MAPK10: variants seen among roughly 807,000 people sequenced by gnomAD.
MAPK10 encodes JNK3 alpha protein kinase.
A neutral mutation model predicts 59.3 loss-of-function variants in MAPK10; 25 were observed. That is an observed-to-expected ratio of 0.42 (90% confidence interval 0.31 to 0.59). The LOEUF is 0.59. Ranked by LOEUF, MAPK10 falls within the 20% of genes least tolerant of loss-of-function variation. MAPK10 has a pLI of 0.15. For missense variants in MAPK10, 351 were observed against 568.9 expected, an observed-to-expected ratio of 0.62 and a Z score of 3.90; for synonymous variants, 190 against 200.5, an observed-to-expected ratio of 0.95 and a Z score of 0.44.
At chr4:86,240,666 C>CT (rs201751835) in intron 2 of MAPK10, among the ~76,000 whole-genome samples, 1,763 of 148,938 alleles carry the variant, frequency 0.012, 42 homozygotes, top group African/African-American at 0.042. Flanking sequence ...CAACCCGTGC[C>CT]TTTTTATTTT....
intron 1 of MAPK10, among the ~76,000 whole-genome samples, chr4:86,506,936 A>G (rs1269294303): frequency 6.6e-6 from 1 of 152,170 alleles, no homozygotes; most frequent in Non-Finnish European, 1.5e-5. Flanking sequence ...CCACACTAAT[A>G]CAATATACAT....
intron 1 of MAPK10, among the ~76,000 whole-genome samples, chr4:86,486,717 G>C (rs1005889771): frequency 2.0e-5 from 3 of 152,204 alleles, no homozygotes; most frequent in Admixed American, 2.0e-4. Context: ...AGGGGGAAAA[G>C]TTAGATGAGG....
At chr4:86,162,986 C>A (rs2070341586) in intron 3 of MAPK10, among the ~76,000 whole-genome samples, 1 of 152,076 alleles carries the variant, frequency 6.6e-6, no homozygotes, top group Non-Finnish European at 1.5e-5. Context: ...ATCATCATTA[C>A]AAGGTTTGTG....
chr4:86,218,852 G>A (rs1334032144), intron 2 of MAPK10, among the ~76,000 whole-genome samples: 3 of 152,130 alleles, frequency 2.0e-5, no homozygotes, highest in African/African-American at 4.8e-5. Flanking sequence ...CTGATTTGTA[G>A]GGAAGAGGGC....
chr4:86,443,207 A>G (rs1348330080), intron 1 of MAPK10, among the ~76,000 whole-genome samples: 1 of 152,028 alleles, frequency 6.6e-6, no homozygotes, highest in Non-Finnish European at 1.5e-5. Context: ...TACCTCCAGG[A>G]GCTCTATCAG....
intron 2 of MAPK10, chr4:86,326,069 G>T (rs2096014932): frequency 6.6e-6 from 1 of 152,180 alleles, no homozygotes; most frequent in Non-Finnish European, 1.5e-5. Context: ...CAATATTTTT[G>T]TTGGGTGTGG....
chr4:86,188,300 T>C (rs1268622748), intron 3 of MAPK10, among the ~76,000 whole-genome samples: 2 of 152,214 alleles, frequency 1.3e-5, no homozygotes, highest in Middle Eastern at 3.2e-3. Flanking sequence ...TTTCTGGTTC[T>C]AGATCCTTGA....
At chr4:86,558,912 C>A (rs984707652) in intron 1 of MAPK10, among the ~76,000 whole-genome samples, 1 of 151,668 alleles carries the variant, frequency 6.6e-6, no homozygotes. Context: ...TCCACGGAAG[C>A]CATTCACCTA....
intron 2 of MAPK10, among the ~76,000 whole-genome samples, chr4:86,345,613 T>C (rs1727671594): frequency 6.6e-6 from 1 of 152,194 alleles, no homozygotes; most frequent in South Asian, 2.1e-4. Context: ...ATGACATAGC[T>C]GGGATAAAAA....
chr4:86,032,905 T>G (rs371660850), intron 11 of MAPK10, among the ~76,000 whole-genome samples: 11 of 152,146 alleles, frequency 7.2e-5, no homozygotes, highest in African/African-American at 2.7e-4. Context: ...GCTGTAAACC[T>G]CACCTACTGC....
At chr4:86,112,824 C>T (rs1265909019) in intron 4 of MAPK10, among the ~76,000 whole-genome samples, 1 of 152,018 alleles carries the variant, frequency 6.6e-6, no homozygotes, top group Non-Finnish European at 1.5e-5. Flanking sequence ...GTTAAAGTTT[C>T]CACTATTACT....
At chr4:86,589,411 T>C (rs1031827707) in intron 1 of MAPK10, among the ~76,000 whole-genome samples, 1 of 152,084 alleles carries the variant, frequency 6.6e-6, no homozygotes, top group Non-Finnish European at 1.5e-5. Flanking sequence ...GCGGGCACAA[T>C]GGTCCAACGC....
At chr4:86,487,939 G>A (rs567308193) in intron 1 of MAPK10, among the ~76,000 whole-genome samples, 2 of 152,248 alleles carry the variant, frequency 1.3e-5, no homozygotes, top group African/African-American at 4.8e-5. Context: ...TAGTCTGAGA[G>A]AGAGAGATTA....
rs1479227555 is a variant in MAPK10 at position 86,012,171 on chromosome 4, T to G, written c.*5057A>C. ...AAAAGAAATTACTGAATTGCAGATA[T>G]ACAACTAGTATCTACAGACAGAAAT... On this transcript the variant is annotated 3_prime_UTR_variant, in exon 14 of 14. Coordinates refer to ENST00000641462, the MANE Select transcript of MAPK10 (RefSeq NM_138982.4). The G allele has an allele frequency of 6.6e-6, 1 of 152,178 alleles. No individual in the cohort carries two copies. The highest frequency in any genetic ancestry group is 1.5e-5 in the Non-Finnish European group (1 of 68,022). The allele number at this position is 152,178 out of a possible 1,614,324, so 9.4% of individuals were successfully genotyped here. A position where few individuals can be genotyped will look rare whatever the true frequency, so the allele number is the denominator to read the frequency against.
At chr4:86,059,498 C>T (rs1002865069) in intron 11 of MAPK10, among the ~76,000 whole-genome samples, 1 of 152,136 alleles carries the variant, frequency 6.6e-6, no homozygotes, top group South Asian at 2.1e-4. Context: ...AACTTCAGCA[C>T]TAATACATGT....
intron 1 of MAPK10, among the ~76,000 whole-genome samples, chr4:86,451,143 T>C (rs536030193): frequency 6.6e-6 from 1 of 152,260 alleles, no homozygotes; most frequent in Non-Finnish European, 1.5e-5. Flanking sequence ...CCGCTAATAA[T>C]GGAAGCAAGG....
intron 1 of MAPK10, among the ~76,000 whole-genome samples, chr4:86,390,824 T>G (rs1742091415): frequency 6.6e-6 from 1 of 152,214 alleles, no homozygotes; most frequent in Non-Finnish European, 1.5e-5. Flanking sequence ...GGGAAGGTGC[T>G]GAGCTTTAAG....
At chr4:86,076,942 A>C (rs1221067876) in intron 9 of MAPK10, among the ~76,000 whole-genome samples, 5 of 152,176 alleles carry the variant, frequency 3.3e-5, no homozygotes, top group Non-Finnish European at 7.4e-5. Flanking sequence ...TCAGAAAAGC[A>C]ATAAGTATAT....
At chr4:86,024,589 A>G (rs960269623) in intron 13 of MAPK10, 1 of 152,174 alleles carries the variant, frequency 6.6e-6, no homozygotes, top group African/African-American at 2.4e-5. Flanking sequence ...CACAATGTCT[A>G]CTGCTGAGTA....
Sources: gnomAD v4.1 joint callset for allele counts (sites outside exome capture counted in the v4.1 genomes callset) on GRCh38, gnomAD v4.1.1 for gene constraint, MANE v1.5 for transcripts, NCBI Gene and HGNC (gene_info 2026-07-23, HGNC 2026-07-21) for gene names.